The following SH3GL3 variants were observed in gnomAD, a reference collection of about 807,000 sequenced individuals.
SH3GL3 encodes SH3 domain containing GRB2 like 3, endophilin A3, also known as endophilin-A3.
In SH3GL3, 33 loss-of-function variants were observed where a neutral mutation model predicts 47.7. That is an observed-to-expected ratio of 0.69 (90% CI 0.52 to 0.92). SH3GL3 has a LOEUF of 0.92. Among genes scored for constraint, SH3GL3 ranks in the 40% least tolerant of loss-of-function variants. The probability of loss-of-function intolerance (pLI) is 0.00; values close to 1 mark genes in which losing one functional copy is unlikely to be tolerated. For missense variants in SH3GL3, 363 were observed against 417.8 expected, an observed-to-expected ratio of 0.87 and a Z score of 1.14; for synonymous variants, 155 against 148.8, an observed-to-expected ratio of 1.04 and a Z score of -0.30.
chr15:83,479,809 C>T (rs2041263440), intron 1 of SH3GL3, among the ~76,000 whole-genome samples: 1 of 152,142 alleles, frequency 6.6e-6, no homozygotes, highest in Admixed American at 6.5e-5. Context: ...CTGTCTCTGC[C>T]ACCTACCAGC....
At chr15:83,597,874 C>A (rs969409878) in intron 8 of SH3GL3, among the ~76,000 whole-genome samples, 2 of 152,194 alleles carry the variant, frequency 1.3e-5, no homozygotes, top group African/African-American at 4.8e-5. Flanking sequence ...TCCCGAAGTG[C>A]TGGGATTATA....
chr15:83,567,516 C>T (rs543053647), intron 3 of SH3GL3, among the ~76,000 whole-genome samples: 1 of 152,082 alleles, frequency 6.6e-6, no homozygotes, highest in Admixed American at 6.5e-5. Flanking sequence ...GAAGGTAAGA[C>T]GCAGTGATGC....
chr15:83,527,697 C>T (rs2043485345), intron 1 of SH3GL3, among the ~76,000 whole-genome samples: 1 of 152,076 alleles, frequency 6.6e-6, no homozygotes, highest in African/African-American at 2.4e-5. Context: ...AATATTTACT[C>T]TGTTTACTTT....
intron 2 of SH3GL3, among the ~76,000 whole-genome samples, chr15:83,562,030 AACACACACAC>A (rs55856428): frequency 0.045 from 5,947 of 132,934 alleles, 143 homozygotes; most frequent in South Asian, 0.073. Context: ...ACACACACAC[AACACACACAC>A]ACACACACAC....
At chr15:83,553,833 G>T (rs1555495282) in intron 1 of SH3GL3, among the ~76,000 whole-genome samples, 1 of 151,956 alleles carries the variant, frequency 6.6e-6, no homozygotes, top group Non-Finnish European at 1.5e-5. Flanking sequence ...GTTTTTGCTT[G>T]TTTGTTTGCC....
intron 2 of SH3GL3, 97 bp downstream of exon 2, chr15:83,559,418 G>T (rs1014988497): frequency 1.3e-6 from 1 of 762,616 alleles, no homozygotes; most frequent in South Asian, 1.5e-5. Context: ...GGAAATCTAG[G>T]ATGTTTAAAT....
chr15:83,564,101 A>G (rs2151752179), intron 2 of SH3GL3, among the ~76,000 whole-genome samples: 1 of 152,214 alleles, frequency 6.6e-6, no homozygotes, highest in East Asian at 1.9e-4. Flanking sequence ...CCTGGTTAGA[A>G]GTTTCTTCCC....
chr15:83,498,051 T>G (rs1269628045), intron 1 of SH3GL3, among the ~76,000 whole-genome samples: 3 of 152,246 alleles, frequency 2.0e-5, no homozygotes, highest in African/African-American at 7.2e-5. Context: ...TTGTGTATGA[T>G]ACCATGACTC....
intron 1 of SH3GL3, among the ~76,000 whole-genome samples, chr15:83,484,106 C>T (rs1167531649): frequency 2.6e-5 from 4 of 152,222 alleles, no homozygotes; most frequent in African/African-American, 9.6e-5. Context: ...TTTCAGCAAT[C>T]TCAAATGACC....
At chr15:83,614,373 T>C (rs1293386164) in intron 8 of SH3GL3, among the ~76,000 whole-genome samples, 2 of 152,128 alleles carry the variant, frequency 1.3e-5, no homozygotes, top group Non-Finnish European at 2.9e-5. Context: ...AGAAACATCA[T>C]GTAGATCATA....
At chr15:83,535,638 T>C (rs909228560) in intron 1 of SH3GL3, among the ~76,000 whole-genome samples, 23 of 152,198 alleles carry the variant, frequency 1.5e-4, no homozygotes, top group African/African-American at 5.3e-4. Context: ...GCAGCCTTCA[T>C]GATTAATTCA....
intron 1 of SH3GL3, among the ~76,000 whole-genome samples, chr15:83,525,313 G>A (rs2043370168): frequency 6.6e-6 from 1 of 150,976 alleles, no homozygotes; most frequent in South Asian, 2.1e-4. Context: ...TTTGAGAAAT[G>A]TCTATTCAAT....
chr15:83,605,560 A>G (rs528536857), intron 8 of SH3GL3, among the ~76,000 whole-genome samples: 1 of 142,606 alleles, frequency 7.0e-6, no homozygotes, highest in South Asian at 2.1e-4. Context: ...TAAAGAAAAA[A>G]AGAGAGAGAT....
At chr15:83,628,510 A>G in the SH3GL3 span, among the ~76,000 whole-genome samples, 6 of 152,302 alleles carry the variant, frequency 3.9e-5, no homozygotes, top group African/African-American at 7.2e-5. Context: ...TGGGAGGCCA[A>G]CGTAGGTGGA....
chr15:83,560,736 A>G (rs1211537768), intron 2 of SH3GL3, among the ~76,000 whole-genome samples: 1 of 152,218 alleles, frequency 6.6e-6, no homozygotes, highest in African/African-American at 2.4e-5. Flanking sequence ...TCCAGAAGAG[A>G]TGCATTAGAT....
intron 1 of SH3GL3, among the ~76,000 whole-genome samples, chr15:83,541,335 T>TTTTTTTTTTTTTG (rs2044153440): frequency 2.1e-5 from 2 of 94,410 alleles, no homozygotes; most frequent in African/African-American, 9.2e-5. Flanking sequence ...TTTTTTTTTT[T>TTTTTTTTTTTTTG]TTTTTTTTTT....
intron 1 of SH3GL3, among the ~76,000 whole-genome samples, chr15:83,551,401 TG>T: frequency 6.6e-6 from 1 of 152,194 alleles, no homozygotes; most frequent in Non-Finnish European, 1.5e-5. Context: ...GCGATATTTG[TG>T]ATGGGGAAGC....
Position 83,447,566 on chromosome 15 carries a change from C to T in SH3GL3, c.33C>T (p.His11=). Residue 11 remains histidine, a synonymous_variant, in exon 1 of 9, where the codon CAC becomes CAT. Coordinates refer to ENST00000427482, the MANE Select transcript of SH3GL3 (RefSeq NM_003027.5). This position sits in a 1 kb window ranked among gnomAD's most constrained non-coding sequence, Gnocchi z 5.1. The part of the protein sequence containing the change: MSVAGLKKQF[H]KASQLFSEKI... The stretch of plus-strand genomic sequence containing the variant: ...TGGCCGGGCTGAAGAAGCAGTTCCA[C>T]AAAGCCAGCCAGGTAGGGAGGCGCA... 6.6e-7 allele frequency: 1 copy of T among 1,507,086 alleles called. No homozygotes were observed. The highest frequency in any genetic ancestry group is 2.2e-5 in the Admixed American group (1 of 46,076). The allele number at this position is 1,507,086 out of a possible 1,614,324, so 93.4% of individuals were successfully genotyped here.
downstream of SH3GL3, among the ~76,000 whole-genome samples, chr15:83,621,463 A>G (rs544907928): frequency 4.6e-5 from 7 of 152,292 alleles, no homozygotes; most frequent in African/African-American, 1.7e-4. Flanking sequence ...CAGTCAAAAC[A>G]CACACAACAT....
Sources: gnomAD v4.1 joint callset for allele counts (sites outside exome capture counted in the v4.1 genomes callset) on GRCh38, gnomAD v4.1.1 for gene constraint, Gnocchi (gnomAD v3.1) non-coding constraint, MANE v1.5 for transcripts, NCBI Gene and HGNC (gene_info 2026-07-23, HGNC 2026-07-21) for gene names.